SBF2: variants seen among roughly 807,000 people sequenced by gnomAD.
The protein encoded by SBF2 is SET binding factor 2, also known as myotubularin-related protein 13.
In SBF2, 112 loss-of-function variants were observed where a neutral mutation model predicts 225.2. The observed-to-expected ratio is 0.50, with a 90% CI of 0.43 to 0.58. The LOEUF is 0.58. Among genes scored for constraint, SBF2 ranks in the 20% least tolerant of loss-of-function variants. The probability of loss-of-function intolerance (pLI) is 0.00; values close to 1 mark genes in which losing one functional copy is unlikely to be tolerated. For synonymous variants in SBF2, 763 were observed against 773.3 expected (o/e 0.99, Z 0.22); for missense variants, 1,996 against 2,206.2 (o/e 0.90, Z 1.91).
chr11:10,273,005 G>A (rs942573253), intron 1 of SBF2, among the ~76,000 whole-genome samples: 1 of 151,982 alleles, frequency 6.6e-6, no homozygotes, highest in African/African-American at 2.4e-5. Context: ...GGGAGACAGA[G>A]GTTGCAGTGA....
At chr11:9,856,286 A>G (rs930311430) in intron 19 of SBF2, among the ~76,000 whole-genome samples, 172 bp downstream of exon 19, 2 of 152,356 alleles carry the variant, frequency 1.3e-5, no homozygotes, top group Non-Finnish European at 1.5e-5. Context: ...GAATAGTAGG[A>G]TGAAGTGAAT....
intron 2 of SBF2, among the ~76,000 whole-genome samples, chr11:10,066,060 A>T (rs898612025): frequency 1.3e-4 from 20 of 152,108 alleles, no homozygotes; most frequent in African/African-American, 2.7e-4. Context: ...TATAGTTAAA[A>T]AACTTTCCAC....
intron 22 of SBF2, among the ~76,000 whole-genome samples, chr11:9,847,817 G>A (rs1553008): frequency 0.28 from 42,505 of 151,936 alleles, 6,663 homozygotes; most frequent in African/African-American, 0.42. Context: ...CCAATTTCCC[G>A]TGGGAGGAGA....
At chr11:9,861,299 ATTCTCCCGCCTTAACCTCCT>A (rs1244069067) in intron 17 of SBF2, among the ~76,000 whole-genome samples, 11 of 152,154 alleles carry the variant, frequency 7.2e-5, no homozygotes, top group Non-Finnish European at 5.9e-5. Flanking sequence ...GGCTTAAGGG[ATTCTCCCGCCTTAACCTCCT>A]GAGTAGCTAG....
intron 2 of SBF2, among the ~76,000 whole-genome samples, chr11:10,057,798 G>A (rs1162800019): frequency 6.6e-6 from 1 of 152,122 alleles, no homozygotes; most frequent in Non-Finnish European, 1.5e-5. Flanking sequence ...CAACTGTGAG[G>A]AAACATAGGG....
chr11:9,795,761 T>A lies in SBF2; in HGVS notation c.4570+70A>T. ...CTTGTCAGTCTTGGGGATAGTTACA[T>A]TATTAGAATTTTCATTAAAAACATG... On this transcript the variant is annotated intron_variant, in intron 33 of 39. Coordinates refer to ENST00000256190, the MANE Select transcript of SBF2 (RefSeq NM_030962.4). 6.5e-6 allele frequency: 10 copies of A among 1,540,196 alleles called. No individual in the cohort carries two copies. In the South Asian group the frequency reaches 1.1e-4, roughly 17 times the overall value.
At position 10,161,974 on chromosome 11, in the gene SBF2, G is replaced by T. The variant is rs543885764; in HGVS notation, c.141+31928C>A. Among the ~76,000 whole-genome samples, 161 of 152,278 alleles carry T rather than the reference G, an allele frequency of 1.1e-3. 2 individuals carry two copies. Among genetic ancestry groups the T allele is most frequent in the African/African-American group, 3.6e-3 (149 of 41,554 alleles). On this transcript the variant is annotated intron_variant, in intron 2 of 39. Transcript: ENST00000256190. The stretch of plus-strand genomic sequence containing the variant: ...CATTCTTGGCTGGGCAACACAGTGA[G>T]ACCCTGTCTAAAAAATAAATAAATA...
intron 32 of SBF2, among the ~76,000 whole-genome samples, chr11:9,798,684 C>T (rs1397675236): frequency 6.6e-6 from 1 of 152,208 alleles, no homozygotes; most frequent in Admixed American, 6.5e-5. Flanking sequence ...TGGTGGCTCA[C>T]GCCTGTAATC....
intron 30 of SBF2, 64 bp from the exon 31 acceptor site, chr11:9,809,066 G>T: frequency 1.6e-6 from 2 of 1,266,178 alleles, no homozygotes; most frequent in South Asian, 1.2e-5. Context: ...GTCAGAGAGA[G>T]TTGCTTTCAA....
chr11:10,166,444 G>A (rs902114563), intron 2 of SBF2, among the ~76,000 whole-genome samples: 2 of 152,030 alleles, frequency 1.3e-5, no homozygotes, highest in African/African-American at 4.8e-5. Context: ...CTGTCAAGCG[G>A]GGGTGGGCAG....
intron 16 of SBF2, among the ~76,000 whole-genome samples, chr11:9,896,504 C>T (rs1861267644): frequency 6.6e-6 from 1 of 152,026 alleles, no homozygotes; most frequent in Non-Finnish European, 1.5e-5. Context: ...AAAGGGTTAT[C>T]TTTCAGGCTG....
rs774671315 is a variant in SBF2, at chr11:10,263,750, T to C, written c.55+30265A>G. Among the ~76,000 whole-genome samples, 8 of 152,158 alleles carry C rather than the reference T, an allele frequency of 5.3e-5. 1 individual carries two copies. Among genetic ancestry groups the C allele is most frequent in the Non-Finnish European group, 7.4e-5 (5 of 68,014 alleles). ...AGAATATACCATATCAAATGAAAAC[T>C]TTATCCTGGCTGAAATTAAACTCTC... On this transcript the variant is annotated intron_variant, in intron 1 of 39. Coordinates refer to ENST00000256190, the MANE Select transcript of SBF2 (RefSeq NM_030962.4).
chr11:10,278,310 A>G (rs1366042031), intron 1 of SBF2, among the ~76,000 whole-genome samples: 1 of 152,224 alleles, frequency 6.6e-6, no homozygotes, highest in African/African-American at 2.4e-5. Context: ...TCAACTTATA[A>G]AAGTTATATT....
chr11:10,095,090 A>G (rs1302590710), intron 2 of SBF2, among the ~76,000 whole-genome samples: 1 of 151,928 alleles, frequency 6.6e-6, no homozygotes, highest in African/African-American at 2.4e-5. Context: ...ATGCCGAGCT[A>G]AATTTTTTTT....
intron 2 of SBF2, among the ~76,000 whole-genome samples, chr11:10,095,760 C>G (rs759311660): frequency 1.3e-5 from 2 of 152,086 alleles, no homozygotes; most frequent in African/African-American, 4.8e-5. Context: ...TTTAATCACA[C>G]GTACTGCTTT....
chr11:10,108,515 CTTTTTTTTTTT>C (rs34189666), intron 2 of SBF2, among the ~76,000 whole-genome samples: 7 of 83,462 alleles, frequency 8.4e-5, no homozygotes, highest in African/African-American at 2.4e-4. Flanking sequence ...TAATAGTTAA[CTTTTTTTTTTT>C]TTTTTTTTTT....
At chr11:10,188,523 A>G (rs931708589) in intron 2 of SBF2, among the ~76,000 whole-genome samples, 4 of 152,168 alleles carry the variant, frequency 2.6e-5, no homozygotes, top group Non-Finnish European at 4.4e-5. Flanking sequence ...GAAGTGAAGT[A>G]CGTGACTGTA....
At chr11:10,083,563 A>G (rs1031559786) in intron 2 of SBF2, among the ~76,000 whole-genome samples, 2 of 152,206 alleles carry the variant, frequency 1.3e-5, no homozygotes, top group Admixed American at 6.5e-5. Flanking sequence ...AGAGAACTAA[A>G]TAAAGCCACA....
At chr11:10,184,396 T>C (rs1197255225) in intron 2 of SBF2, among the ~76,000 whole-genome samples, 1 of 152,202 alleles carries the variant, frequency 6.6e-6, no homozygotes, top group East Asian at 1.9e-4. Flanking sequence ...AAATATGCCT[T>C]AGAGATTTAT....
Sources: gnomAD v4.1 joint callset for allele counts (sites outside exome capture counted in the v4.1 genomes callset) on GRCh38, gnomAD v4.1.1 for gene constraint, MANE v1.5 for transcripts, NCBI Gene and HGNC (gene_info 2026-07-23, HGNC 2026-07-21) for gene names.